Variants in ZBTB7C observed in about 807,000 individuals in gnomAD.
ZBTB7C encodes zinc finger and BTB domain containing 7C, also known as zinc finger and BTB domain-containing protein 7C.
ZBTB7C carries 8 observed loss-of-function variants against 25.7 expected under a neutral mutation model. That is an observed-to-expected ratio of 0.31 (90% CI 0.18 to 0.56). The LOEUF (loss-of-function observed/expected upper bound fraction) is 0.56. Among genes scored for constraint, ZBTB7C ranks in the 20% least tolerant of loss-of-function variants. The pLI is 0.91. For missense variants in ZBTB7C, 824 were observed against 855.2 expected (o/e 0.96, Z 0.46); for synonymous variants, 394 against 369.0 (o/e 1.07, Z -0.78).
intron 1 of ZBTB7C, among the ~76,000 whole-genome samples, chr18:48,386,485 T>A (rs1021512171): frequency 4.6e-5 from 7 of 152,174 alleles, no homozygotes; most frequent in Non-Finnish European, 8.8e-5. Context: ...AAGAGATGAA[T>A]GCCATCTAAG....
intron 3 of ZBTB7C, among the ~76,000 whole-genome samples, chr18:48,099,648 AG>A (rs1208971478): frequency 6.6e-6 from 1 of 152,210 alleles, no homozygotes; most frequent in Non-Finnish European, 1.5e-5. Flanking sequence ...ATGAACTGGC[AG>A]GGTGCAGCCC....
chr18:48,064,275 G>A (rs1249666303), intron 3 of ZBTB7C, among the ~76,000 whole-genome samples: 1 of 152,228 alleles, frequency 6.6e-6, no homozygotes, highest in Non-Finnish European at 1.5e-5. Flanking sequence ...CTCTGCTGGT[G>A]GAAACCACTA....
chr18:48,200,652 A>G (rs888839842), intron 2 of ZBTB7C, among the ~76,000 whole-genome samples: 7 of 152,196 alleles, frequency 4.6e-5, no homozygotes, highest in Admixed American at 2.0e-4. Flanking sequence ...GGGTCCTTGT[A>G]TTGAGAGCTA....
chr18:48,374,103 G>A (rs1319795827), intron 1 of ZBTB7C: 2 of 152,482 alleles, frequency 1.3e-5, no homozygotes, highest in Non-Finnish European at 2.9e-5. Flanking sequence ...AGCAGATGCT[G>A]GTGCCATGCT....
chr18:48,406,627 A>G (rs553157755), intron 1 of ZBTB7C, among the ~76,000 whole-genome samples: 1 of 152,308 alleles, frequency 6.6e-6, no homozygotes, highest in Admixed American at 6.5e-5. Flanking sequence ...GGAGATGTGG[A>G]GTAAGGGGGC....
chr18:48,040,939 T>C lies in ZBTB7C; in HGVS notation c.169A>G (p.Lys57Glu). The change falls in exon 4 of 5, where the codon AAG (lysine) becomes GAG (glutamate). Residue 57 changes from lysine (K) to glutamate (E), a missense_variant. Lys to Glu is a moderately conservative substitution (Grantham distance 56). Coordinates refer to ENST00000590800, the MANE Select transcript of ZBTB7C (RefSeq NM_001318841.2). Reference sequence around the variant, plus strand: ...GCTGTGAAAAGCTTCTTGAAGTACTTGCTGCAGGCAGCCAGGACGGAGCGG... The same window carrying C: ...GCTGTGAAAAGCTTCTTGAAGTACTCGCTGCAGGCAGCCAGGACGGAGCGG... ...THRSVLAACS[K>E]YFKKLFTAGT... The C allele has an allele frequency of 6.2e-7, 1 of 1,614,186 alleles. No homozygotes were observed. The highest frequency in any genetic ancestry group is 2.2e-5 in the East Asian group (1 of 44,868).
chr18:48,101,783 G>T (rs2038839762), intron 3 of ZBTB7C, among the ~76,000 whole-genome samples: 2 of 152,124 alleles, frequency 1.3e-5, no homozygotes, highest in African/African-American at 4.8e-5. Flanking sequence ...TAACCATCTG[G>T]TCTCTCATTC....
At chr18:48,321,134 G>C (rs2046083768) in intron 2 of ZBTB7C, among the ~76,000 whole-genome samples, 1 of 152,252 alleles carries the variant, frequency 6.6e-6, no homozygotes, top group South Asian at 2.1e-4. Context: ...CCTCGGCACT[G>C]GAATTTTCTC....
intron 3 of ZBTB7C, among the ~76,000 whole-genome samples, chr18:48,106,731 T>C (rs2039041085): frequency 6.6e-6 from 1 of 152,082 alleles, no homozygotes; most frequent in East Asian, 1.9e-4. Flanking sequence ...CCAGGCAAAC[T>C]GTGAACATGG....
chr18:48,171,194 G>A (rs1345246331), intron 3 of ZBTB7C, among the ~76,000 whole-genome samples: 1 of 152,188 alleles, frequency 6.6e-6, no homozygotes, highest in African/African-American at 2.4e-5. Flanking sequence ...AGTGCTCACA[G>A]GCCTGGCCCC....
At chr18:48,275,907 CTTG>C (rs1326038882) in intron 2 of ZBTB7C, among the ~76,000 whole-genome samples, 3 of 152,186 alleles carry the variant, frequency 2.0e-5, no homozygotes, top group Non-Finnish European at 2.9e-5. Context: ...CAACTACAGA[CTTG>C]TTTTCTCCCC....
intron 2 of ZBTB7C, among the ~76,000 whole-genome samples, chr18:48,186,598 G>T (rs1211720600): frequency 6.6e-6 from 1 of 152,200 alleles, no homozygotes; most frequent in Non-Finnish European, 1.5e-5. Flanking sequence ...CCAAAGACTT[G>T]AGTTAATGAC....
chr18:48,367,194 TATATATATACACACACACACAC>T (rs1209552666), intron 1 of ZBTB7C, among the ~76,000 whole-genome samples: 10 of 53,888 alleles, frequency 1.9e-4, no homozygotes, highest in African/African-American at 7.3e-4. Flanking sequence ...TATATATATA[TATATATATACACACACACACAC>T]ACACACACAC....
intron 3 of ZBTB7C, among the ~76,000 whole-genome samples, chr18:48,169,548 G>A (rs1320260463): frequency 1.3e-5 from 2 of 152,148 alleles, no homozygotes; most frequent in African/African-American, 4.8e-5. Flanking sequence ...TGAGGGAGCC[G>A]AGGGTCAGAA....
chr18:48,044,458 G>T (rs1281993960), intron 3 of ZBTB7C, among the ~76,000 whole-genome samples: 1 of 152,246 alleles, frequency 6.6e-6, no homozygotes, highest in Non-Finnish European at 1.5e-5. Flanking sequence ...AGCCTGCGTG[G>T]TTGCATGCCA....
At chr18:48,048,690 G>A (rs2036566019) in intron 3 of ZBTB7C, among the ~76,000 whole-genome samples, 2 of 152,176 alleles carry the variant, frequency 1.3e-5, no homozygotes, top group African/African-American at 4.8e-5. Context: ...GGGTGTTTTT[G>A]CAGGGATGGG....
chr18:48,175,807 C>T lies in ZBTB7C; in HGVS notation c.-17+10127G>A, dbSNP rs189748010. Among the ~76,000 whole-genome samples the T allele has an allele frequency of 2.6e-5, 4 of 152,288 alleles. No homozygotes were observed. In the East Asian group the frequency reaches 7.7e-4, roughly 29 times the overall value. ...ATTAAAATATCATAGGTGAGAAATA[C>T]TAAACCATTGGAAAAACCAGAGTTC... On this transcript the variant is annotated intron_variant, in intron 3 of 4. Transcript: ENST00000590800.
intron 3 of ZBTB7C, among the ~76,000 whole-genome samples, chr18:48,118,664 G>A (rs935655385): frequency 6.6e-6 from 1 of 152,178 alleles, no homozygotes; most frequent in Non-Finnish European, 1.5e-5. Context: ...TATAGCTAAT[G>A]TGGTACATTA....
intron 2 of ZBTB7C, among the ~76,000 whole-genome samples, chr18:48,246,063 T>C (rs750756858): frequency 2.6e-5 from 4 of 152,156 alleles, no homozygotes; most frequent in Non-Finnish European, 4.4e-5. Flanking sequence ...CTAATCACAA[T>C]TATGGTATAA....
Sources: allele counts gnomAD v4.1 joint callset (sites outside exome capture counted in the v4.1 genomes callset), GRCh38; gene constraint gnomAD v4.1.1; transcripts MANE v1.5; gene names NCBI Gene and HGNC (gene_info 2026-07-23, HGNC 2026-07-21).